The following GNAT3 variants were observed in gnomAD, a reference collection of about 807,000 sequenced individuals.
GNAT3 encodes guanine nucleotide-binding protein G(t) subunit alpha-3.
GNAT3 carries 31 observed loss-of-function variants against 37.7 expected under a neutral mutation model. The observed-to-expected ratio is 0.82, with a 90% CI of 0.62 to 1.11. The LOEUF is 1.11. Ranked by LOEUF, GNAT3 falls within the 50% of genes most tolerant of loss-of-function variation. The pLI, the probability that GNAT3 is intolerant of heterozygous loss-of-function variation, is 0.00. For synonymous variants in GNAT3, 138 were observed against 139.8 expected, an observed-to-expected ratio of 0.99 and a Z score of 0.09; for missense variants, 437 against 412.5, an observed-to-expected ratio of 1.06 and a Z score of -0.51.
intron 5 of GNAT3, among the ~76,000 whole-genome samples, chr7:80,464,608 A>C (rs1054738395): frequency 6.6e-6 from 1 of 152,126 alleles, no homozygotes; most frequent in East Asian, 1.9e-4. Context: ...GATTAGAAGC[A>C]AAGAAATAAA....
At chr7:80,487,192 T>C (rs1170936453) in intron 3 of GNAT3, among the ~76,000 whole-genome samples, 1 of 152,114 alleles carries the variant, frequency 6.6e-6, no homozygotes, top group Non-Finnish European at 1.5e-5. Flanking sequence ...AATCCTACGT[T>C]CTTAGGAAAA....
chr7:80,506,737 AATTT>A (rs1157435122), intron 1 of GNAT3, among the ~76,000 whole-genome samples: 3 of 152,152 alleles, frequency 2.0e-5, no homozygotes, highest in African/African-American at 7.2e-5. Context: ...TAAAATAAAT[AATTT>A]GTTTATTTAA....
intron 1 of GNAT3, among the ~76,000 whole-genome samples, chr7:80,500,308 T>C (rs977337150): frequency 6.6e-6 from 1 of 151,898 alleles, no homozygotes; most frequent in Non-Finnish European, 1.5e-5. Context: ...ACCAAACAGA[T>C]CCTCCCACAA....
At chr7:80,481,563 T>A (rs957856571) in intron 3 of GNAT3, among the ~76,000 whole-genome samples, 7 of 152,158 alleles carry the variant, frequency 4.6e-5, no homozygotes, top group South Asian at 2.1e-4. Flanking sequence ...CCAAATATAT[T>A]TTTTTGGCAT....
chr7:80,499,232 TCAAA>T (rs1458706821), intron 1 of GNAT3, among the ~76,000 whole-genome samples: 3 of 152,206 alleles, frequency 2.0e-5, no homozygotes, highest in East Asian at 1.9e-4. Context: ...AGATCTGTCT[TCAAA>T]CAAAGAAACT....
intron 3 of GNAT3, among the ~76,000 whole-genome samples, chr7:80,483,048 C>T (rs955566193): frequency 7.9e-5 from 12 of 152,056 alleles, no homozygotes; most frequent in Non-Finnish European, 1.2e-4. Context: ...TTGGAGCCTA[C>T]GGTAATGATT....
intron 3 of GNAT3, among the ~76,000 whole-genome samples, chr7:80,484,260 T>A (rs1039115233): frequency 1.3e-5 from 2 of 152,050 alleles, no homozygotes; most frequent in Admixed American, 1.3e-4. Flanking sequence ...ATGAAAAAAA[T>A]ATCAAAAGAA....
chr7:80,476,847 C>A (rs1470161129), intron 4 of GNAT3, among the ~76,000 whole-genome samples: 2 of 151,618 alleles, frequency 1.3e-5, no homozygotes, highest in East Asian at 3.9e-4. Flanking sequence ...TTTAAGGACA[C>A]CTAAGAGCAG....
intron 4 of GNAT3, among the ~76,000 whole-genome samples, chr7:80,475,145 A>G (rs1037011039): frequency 2.0e-5 from 3 of 152,002 alleles, no homozygotes; most frequent in Non-Finnish European, 4.4e-5. Flanking sequence ...CCATCAATGC[A>G]TCACTGTGTC....
intron 2 of GNAT3, among the ~76,000 whole-genome samples, chr7:80,492,907 A>G (rs1790620788): frequency 2.0e-5 from 3 of 151,910 alleles, no homozygotes; most frequent in Admixed American, 2.0e-4. Flanking sequence ...TAACTTTTAT[A>G]ATAAGGTTAC....
chr7:80,505,264 T>C (rs1790912080), intron 1 of GNAT3, among the ~76,000 whole-genome samples: 1 of 152,184 alleles, frequency 6.6e-6, no homozygotes, highest in African/African-American at 2.4e-5. Flanking sequence ...ACTGGCCCTG[T>C]TTAAAAGGAA....
chr7:80,510,089 C>G (rs1182658229), intron 1 of GNAT3, among the ~76,000 whole-genome samples: 1 of 152,096 alleles, frequency 6.6e-6, no homozygotes, highest in East Asian at 1.9e-4. Context: ...TCCTATTTAA[C>G]TGTAATTTTG....
chr7:80,460,685 T>C (rs1217649066), intron 7 of GNAT3, among the ~76,000 whole-genome samples: 3 of 151,570 alleles, frequency 2.0e-5, no homozygotes. Flanking sequence ...GAGGCAGATG[T>C]AGCAGGGAGC....
chr7:80,465,820 T>C (rs1011667506), intron 5 of GNAT3, among the ~76,000 whole-genome samples: 2 of 152,140 alleles, frequency 1.3e-5, no homozygotes, highest in African/African-American at 4.8e-5. Flanking sequence ...AATCACCTAA[T>C]GCATTTCAGA....
intron 5 of GNAT3, among the ~76,000 whole-genome samples, chr7:80,470,452 C>T (rs140782581): frequency 7.9e-5 from 12 of 152,254 alleles, no homozygotes; most frequent in African/African-American, 2.9e-4. Flanking sequence ...AACTCCTGAC[C>T]TCAAGTAATC....
At chr7:80,510,354 A>T (rs980125901) in intron 1 of GNAT3, among the ~76,000 whole-genome samples, 1 of 152,222 alleles carries the variant, frequency 6.6e-6, no homozygotes, top group Non-Finnish European at 1.5e-5. Context: ...ATGTAAAAAA[A>T]TAGATAATTG....
intron 1 of GNAT3, among the ~76,000 whole-genome samples, chr7:80,508,737 A>G (rs1467575128): frequency 1.3e-5 from 2 of 152,070 alleles, no homozygotes; most frequent in Non-Finnish European, 2.9e-5. Context: ...TGATCCTTTA[A>G]TTGTAAAGTC....
chr7:80,497,241 AT>A (rs1790733815), intron 1 of GNAT3, among the ~76,000 whole-genome samples: 1 of 152,038 alleles, frequency 6.6e-6, no homozygotes, highest in African/African-American at 2.4e-5. Context: ...CATCTTGCCC[AT>A]TTTCCGAAGA....
At chr7:80,482,627 C>T (rs1261738404) in intron 3 of GNAT3, among the ~76,000 whole-genome samples, 1 of 151,650 alleles carries the variant, frequency 6.6e-6, no homozygotes, top group Non-Finnish European at 1.5e-5. Flanking sequence ...GATTCTCCTG[C>T]CTCAGCCTCC....
Sources: gnomAD v4.1 joint callset for allele counts (sites outside exome capture counted in the v4.1 genomes callset) on GRCh38, gnomAD v4.1.1 for gene constraint, MANE v1.5 for transcripts, NCBI Gene and HGNC (gene_info 2026-07-23, HGNC 2026-07-21) for gene names.